Variants in SLC44A5 observed in about 807,000 individuals in gnomAD.
SLC44A5 encodes the protein solute carrier family 44 member 5.
SLC44A5 carries 57 observed loss-of-function variants against 101.8 expected under a neutral mutation model. The observed-to-expected ratio is 0.56, with a 90% CI of 0.45 to 0.70. SLC44A5 has a LOEUF of 0.70. Ranked by LOEUF, SLC44A5 falls within the 30% of genes least tolerant of loss-of-function variation. SLC44A5 has a pLI of 0.00. For missense variants in SLC44A5, 737 were observed against 853.1 expected, an observed-to-expected ratio of 0.86 and a Z score of 1.70; for synonymous variants, 281 against 290.9, an observed-to-expected ratio of 0.97 and a Z score of 0.35.
At chr1:75,280,886 C>T (rs1161531892) in intron 5 of SLC44A5, among the ~76,000 whole-genome samples, 2 of 151,270 alleles carry the variant, frequency 1.3e-5, no homozygotes, top group Non-Finnish European at 2.9e-5. Context: ...AACCTCTTTC[C>T]TTTGTAAATT....
chr1:75,307,152 G>T (rs967001048), intron 4 of SLC44A5, among the ~76,000 whole-genome samples: 3 of 152,190 alleles, frequency 2.0e-5, no homozygotes, highest in Non-Finnish European at 2.9e-5. Flanking sequence ...TTCTCTGACA[G>T]ATCATCCGTT....
intron 2 of SLC44A5, among the ~76,000 whole-genome samples, chr1:75,417,723 A>G (rs1341709749): frequency 6.6e-6 from 1 of 152,226 alleles, no homozygotes; most frequent in Non-Finnish European, 1.5e-5. Flanking sequence ...TTGAAAGACA[A>G]TCTACAGGCA....
chr1:75,227,665 A>G, intron 13 of SLC44A5, 61 bp downstream of exon 13: 10 of 1,401,132 alleles, frequency 7.1e-6, no homozygotes, highest in Middle Eastern at 1.8e-4. Flanking sequence ...GTTTTCCTTT[A>G]GGCAAAAAGA....
At chr1:75,641,733 G>A in the SLC44A5 span, 5 of 1,572,278 alleles carry the variant, frequency 3.2e-6, no homozygotes, top group Non-Finnish European at 4.4e-6. Flanking sequence ...ATTACAAATG[G>A]ATTCCTGAGT....
chr1:75,490,638 T>C (rs985396035), intron 2 of SLC44A5, among the ~76,000 whole-genome samples: 6 of 152,198 alleles, frequency 3.9e-5, no homozygotes, highest in South Asian at 2.1e-4. Flanking sequence ...CTATTGTTCA[T>C]TGAAGAGAGA....
At chr1:75,666,799 T>C in the SLC44A5 span, among the ~76,000 whole-genome samples, 1 of 152,166 alleles carries the variant, frequency 6.6e-6, no homozygotes, top group African/African-American at 2.4e-5. Flanking sequence ...AGTCAATAAA[T>C]GTGATCCATC....
chr1:75,383,387 T>C (rs1661042309), intron 3 of SLC44A5, among the ~76,000 whole-genome samples: 1 of 151,130 alleles, frequency 6.6e-6, no homozygotes, highest in South Asian at 2.1e-4. Context: ...TCTGTGTCTT[T>C]TTCTTTTCCA....
chr1:75,363,088 G>A (rs1203962698), intron 3 of SLC44A5, among the ~76,000 whole-genome samples: 3 of 151,912 alleles, frequency 2.0e-5, no homozygotes, highest in African/African-American at 7.2e-5. Context: ...GTAACTTTAA[G>A]TCTATTTTGC....
At chr1:75,351,324 ACT>A (rs1273782974) in intron 3 of SLC44A5, among the ~76,000 whole-genome samples, 1 of 152,060 alleles carries the variant, frequency 6.6e-6, no homozygotes, top group African/African-American at 2.4e-5. Context: ...GTAAGTGTAC[ACT>A]CTGTTCAATA....
At chr1:75,282,843 C>T (rs948997274) in intron 5 of SLC44A5, among the ~76,000 whole-genome samples, 4 of 152,150 alleles carry the variant, frequency 2.6e-5, no homozygotes, top group Admixed American at 1.3e-4. Context: ...CCATGCTGAA[C>T]TGTGAGTTAA....
the SLC44A5 span, among the ~76,000 whole-genome samples, chr1:75,699,232 A>C: frequency 6.6e-6 from 1 of 152,106 alleles, no homozygotes; most frequent in African/African-American, 2.4e-5. Context: ...TGAAGGAAAA[A>C]ATGTTAAGGG....
chr1:75,615,231 G>T (rs1675817639), upstream of SLC44A5, among the ~76,000 whole-genome samples: 1 of 152,036 alleles, frequency 6.6e-6, no homozygotes, highest in Non-Finnish European at 1.5e-5. Flanking sequence ...AGCCTGCAGG[G>T]ACTCGGCCGG....
At chr1:75,278,467 T>A (rs573509589) in intron 5 of SLC44A5, among the ~76,000 whole-genome samples, 2 of 152,280 alleles carry the variant, frequency 1.3e-5, no homozygotes, top group African/African-American at 4.8e-5. Flanking sequence ...ACACATCCTT[T>A]TTATAATAGT....
chr1:75,377,023 G>A (rs1199707940), intron 3 of SLC44A5, among the ~76,000 whole-genome samples: 1 of 152,252 alleles, frequency 6.6e-6, no homozygotes, highest in Non-Finnish European at 1.5e-5. Flanking sequence ...AGAACTACGT[G>A]AAGAATGAAG....
At chr1:75,214,749 A>C in intron 19 of SLC44A5, 71 bp from the exon 20 acceptor site, 2 of 1,218,370 alleles carry the variant, frequency 1.6e-6, no homozygotes, top group Non-Finnish European at 2.4e-6. Context: ...CAATCCAATG[A>C]CAGGAAGGTA....
upstream of SLC44A5, among the ~76,000 whole-genome samples, chr1:75,613,496 A>G (rs1273978004): frequency 1.3e-5 from 2 of 152,242 alleles, no homozygotes; most frequent in Admixed American, 6.5e-5. Context: ...CTGCTTCGCT[A>G]AAGTGAAACT....
At chr1:75,261,272 C>T (rs1435897033) in intron 6 of SLC44A5, among the ~76,000 whole-genome samples, 2 of 151,516 alleles carry the variant, frequency 1.3e-5, no homozygotes, top group Non-Finnish European at 2.9e-5. Context: ...AGTCAGCTAG[C>T]GAGAGTAATA....
At chr1:75,537,034 A>AAAAAAAAAAAAAAAAAAG (rs1553199990) in intron 2 of SLC44A5, among the ~76,000 whole-genome samples, 7 of 18,660 alleles carry the variant, frequency 3.8e-4, no homozygotes, top group Admixed American at 3.6e-3. Context: ...AAAAAAAAAA[A>AAAAAAAAAAAAAAAAAAG]TATATATCTA....
At chr1:75,618,186 G>A in the SLC44A5 span, among the ~76,000 whole-genome samples, 1 of 152,202 alleles carries the variant, frequency 6.6e-6, no homozygotes, top group African/African-American at 2.4e-5. Flanking sequence ...CAACAGAGGA[G>A]ACTCAAATTT....
Sources: gnomAD v4.1 joint callset for allele counts (sites outside exome capture counted in the v4.1 genomes callset) on GRCh38, gnomAD v4.1.1 for gene constraint, MANE v1.5 for transcripts, NCBI Gene and HGNC (gene_info 2026-07-23, HGNC 2026-07-21) for gene names.